ANKFN1: variants seen among roughly 807,000 people sequenced by gnomAD.
ANKFN1 encodes the protein ankyrin repeat and fibronectin type-III domain-containing protein 1.
ANKFN1 carries 74 observed loss-of-function variants against 108.7 expected under a neutral mutation model. The ratio of observed to expected loss-of-function variants is 0.68; its 90% confidence interval spans 0.56 to 0.83. The LOEUF is 0.83. Ranked by LOEUF, ANKFN1 falls within the 40% of genes least tolerant of loss-of-function variation. The probability of loss-of-function intolerance (pLI) is 0.00; values close to 1 mark genes in which losing one functional copy is unlikely to be tolerated. For missense variants in ANKFN1, 1,505 were observed against 1,382.3 expected, an observed-to-expected ratio of 1.09 and a Z score of -1.41; for synonymous variants, 547 against 516.2, an observed-to-expected ratio of 1.06 and a Z score of -0.81.
At chr17:56,046,940 G>A (rs760483510) in intron 4 of ANKFN1, among the ~76,000 whole-genome samples, 2 of 152,094 alleles carry the variant, frequency 1.3e-5, no homozygotes, top group Non-Finnish European at 2.9e-5. Context: ...TTTCAACATT[G>A]ACACCTGTTT....
In ANKFN1 at chr17:56,467,747, G is replaced by C. The variant is rs539378444; in HGVS notation, c.1773+1176G>C. Among the ~76,000 whole-genome samples, 16 of 26,298 alleles carry C rather than the reference G, an allele frequency of 6.1e-4. 1 individual carries two copies. The highest frequency in any genetic ancestry group is 7.7e-4 in the African/African-American group (5 of 6,482). 17.3% of individuals were successfully genotyped at this position (26,298 alleles called of 152,430 possible). On this transcript the variant is annotated intron_variant, in intron 15 of 20. Transcript: ENST00000682825. ...AGAAAGAGAGAAAGAAAGAAACAAA[G>C]AAAGAAAGAAAGAAAGAAAGAAAGA...
chr17:56,202,869 A>T (rs1299288835), intron 1 of ANKFN1, among the ~76,000 whole-genome samples: 1 of 152,256 alleles, frequency 6.6e-6, no homozygotes, highest in East Asian at 1.9e-4. Context: ...GTAAAAAATC[A>T]AAACTGTATT....
chr17:56,457,126 A>G, intron 12 of ANKFN1, 131 bp from the exon 13 acceptor site: 1 of 1,111,722 alleles, frequency 9.0e-7, no homozygotes, highest in Non-Finnish European at 1.3e-6. Flanking sequence ...TTGAGTTGTA[A>G]CTAGTGAACT....
At chr17:56,202,538 C>T (rs75957950) in intron 1 of ANKFN1, among the ~76,000 whole-genome samples, 2 of 152,254 alleles carry the variant, frequency 1.3e-5, no homozygotes, top group East Asian at 3.9e-4. Flanking sequence ...TATGATGAAC[C>T]AAAGAAGCCC....
intron 4 of ANKFN1, among the ~76,000 whole-genome samples, chr17:56,111,900 A>G (rs577738357): frequency 1.6e-4 from 24 of 152,362 alleles, no homozygotes; most frequent in African/African-American, 4.3e-4. Context: ...CCAGCGGCAC[A>G]GCCTGCTGAA....
chr17:56,292,538 G>A (rs946475759), intron 3 of ANKFN1, among the ~76,000 whole-genome samples: 2 of 152,084 alleles, frequency 1.3e-5, no homozygotes, highest in Non-Finnish European at 2.9e-5. Flanking sequence ...GTGGTCCTAC[G>A]AGGACAGAGG....
intron 15 of ANKFN1, among the ~76,000 whole-genome samples, chr17:56,469,654 T>C (rs1042854153): frequency 1.3e-5 from 2 of 152,114 alleles, no homozygotes; most frequent in South Asian, 4.2e-4. Flanking sequence ...GTTCCTCCTC[T>C]GCAAAAAACC....
At chr17:56,175,696 A>G (rs1318581531) in intron 1 of ANKFN1, among the ~76,000 whole-genome samples, 2 of 151,960 alleles carry the variant, frequency 1.3e-5, no homozygotes, top group Non-Finnish European at 2.9e-5. Flanking sequence ...AGATATGCTT[A>G]CTCCTGCAGT....
intron 19 of ANKFN1, 104 bp from the exon 20 acceptor site, chr17:56,498,778 A>G: frequency 2.3e-6 from 2 of 888,218 alleles, no homozygotes; most frequent in South Asian, 3.3e-5. Flanking sequence ...CTCTTGCTCA[A>G]AGCCAATATT....
In ANKFN1 at chr17:56,374,703, C is replaced by A. The variant is rs752632877; in HGVS notation, c.899C>A (p.Thr300Asn). ...EPLSVNAAVV[T>N]RYKVEWSMSE... ...CTTAGCGTCAATGCAGCTGTAGTAA[C>A]CAGGTATAAAGGTACTGGACCCAAG... The change falls in exon 8 of 21, where the codon ACC (threonine) becomes AAC (asparagine). Residue 300 changes from threonine (T) to asparagine (N), a missense_variant. Thr to Asn is a moderately conservative substitution (Grantham distance 65). Coordinates refer to ENST00000682825, the MANE Select transcript of ANKFN1 (RefSeq NM_001370326.1). 6.2e-7 allele frequency: 1 copy of A among 1,612,816 alleles called. No homozygotes were observed. Among genetic ancestry groups the A allele is most frequent in the Non-Finnish European group, 8.5e-7 (1 of 1,178,876 alleles).
chr17:56,495,235 C>T (rs2051161553), intron 19 of ANKFN1, among the ~76,000 whole-genome samples: 1 of 152,134 alleles, frequency 6.6e-6, no homozygotes, highest in African/African-American at 2.4e-5. Flanking sequence ...CAATGAACCA[C>T]CTTGCTTCTC....
intron 4 of ANKFN1, among the ~76,000 whole-genome samples, chr17:56,144,631 C>T (rs1598137326): frequency 1.3e-5 from 2 of 152,082 alleles, no homozygotes; most frequent in East Asian, 3.9e-4. Context: ...TTTTTTTCCT[C>T]AGGAGGAGGT....
At chr17:56,119,291 CA>C (rs1906465253) in intron 4 of ANKFN1, among the ~76,000 whole-genome samples, 2 of 152,078 alleles carry the variant, frequency 1.3e-5, no homozygotes, top group Admixed American at 1.3e-4. Flanking sequence ...ACTCAAGAAA[CA>C]AGAGCTTGTA....
chr17:56,405,449 A>G (rs1290952488), intron 8 of ANKFN1, among the ~76,000 whole-genome samples: 2 of 152,160 alleles, frequency 1.3e-5, no homozygotes, highest in Non-Finnish European at 2.9e-5. Flanking sequence ...AGTGTAAATT[A>G]TTGTCACCCT....
At position 56,133,261 on chromosome 17, in the gene ANKFN1, G is replaced by A. The variant is rs144318443; in HGVS notation, c.288+86936G>A. Among the ~76,000 whole-genome samples, 46 of 152,214 alleles carry A rather than the reference G, an allele frequency of 3.0e-4. No individual in the cohort carries two copies. In the East Asian group the frequency reaches 3.3e-3, roughly 11 times the overall value. On this transcript the variant is annotated intron_variant, in intron 4 of 12. Coordinates refer to the ANKFN1 transcript ENST00000635860. ...AAATAGCCTTTCCTCAAGTGAACAGGTTCATCAATTTTTACATGGTGCAAG... is the reference window on the plus strand; with the variant it reads ...AAATAGCCTTTCCTCAAGTGAACAGATTCATCAATTTTTACATGGTGCAAG...
intron 3 of ANKFN1, among the ~76,000 whole-genome samples, chr17:56,285,194 G>A (rs1438281261): frequency 6.6e-6 from 1 of 152,146 alleles, no homozygotes; most frequent in Non-Finnish European, 1.5e-5. Context: ...GGGTGCGGTT[G>A]GGGACTGTGT....
At chr17:56,196,411 G>C (rs907803476) in intron 1 of ANKFN1, among the ~76,000 whole-genome samples, 14 of 152,122 alleles carry the variant, frequency 9.2e-5, no homozygotes, top group Non-Finnish European at 1.6e-4. Flanking sequence ...CAGAGTTGCA[G>C]CCAGGAGGAC....
intron 3 of ANKFN1, among the ~76,000 whole-genome samples, chr17:56,321,688 T>A (rs1222412713): frequency 6.6e-6 from 1 of 152,170 alleles, no homozygotes; most frequent in Non-Finnish European, 1.5e-5. Flanking sequence ...TTGGCCTAAT[T>A]TTGCAAGTAT....
At chr17:56,492,002 C>T (rs1363425735) in intron 18 of ANKFN1, among the ~76,000 whole-genome samples, 185 bp from the exon 19 acceptor site, 1 of 152,178 alleles carries the variant, frequency 6.6e-6, no homozygotes, top group East Asian at 1.9e-4. Context: ...AAAGGGAATA[C>T]TGTCTGACTA....
Sources: gnomAD v4.1 joint callset for allele counts (sites outside exome capture counted in the v4.1 genomes callset) on GRCh38, gnomAD v4.1.1 for gene constraint, MANE v1.5 for transcripts, NCBI Gene and HGNC (gene_info 2026-07-23, HGNC 2026-07-21) for gene names.